ADGRB3: variants seen among roughly 807,000 people sequenced by gnomAD.
ADGRB3 encodes adhesion G protein-coupled receptor B3, also known as brain-specific angiogenesis inhibitor 3.
In ADGRB3, 37 loss-of-function variants were observed where a neutral mutation model predicts 193.4. The observed-to-expected ratio is 0.19, with a 90% CI of 0.15 to 0.25. The LOEUF (loss-of-function observed/expected upper bound fraction) is 0.25. ADGRB3 is among the 10% of genes least tolerant of loss of function. ADGRB3 has a pLI of 1.00. For missense variants in ADGRB3, 1,637 were observed against 1,852.9 expected, an observed-to-expected ratio of 0.88 and a Z score of 2.14; for synonymous variants, 690 against 644.2, an observed-to-expected ratio of 1.07 and a Z score of -1.08.
intron 3 of ADGRB3, among the ~76,000 whole-genome samples, chr6:68,928,665 T>TAC (rs1185365657): frequency 6.6e-6 from 1 of 152,226 alleles, no homozygotes; most frequent in Non-Finnish European, 1.5e-5. Flanking sequence ...GAACAGGTTA[T>TAC]ACAGTTATTT....
intron 11 of ADGRB3, among the ~76,000 whole-genome samples, chr6:69,003,098 T>A (rs1305098587): frequency 2.6e-5 from 4 of 152,190 alleles, no homozygotes; most frequent in Admixed American, 1.3e-4. Context: ...ATAGGATTCA[T>A]GTGAGGGTTA....
chr6:69,070,491 A>G (rs1279025834), intron 16 of ADGRB3, among the ~76,000 whole-genome samples: 1 of 152,182 alleles, frequency 6.6e-6, no homozygotes, highest in Admixed American at 6.5e-5. Flanking sequence ...TTAATGATCT[A>G]TTGCACAGAA....
chr6:69,291,630 A>G (rs1475286832), intron 20 of ADGRB3, among the ~76,000 whole-genome samples: 1 of 152,142 alleles, frequency 6.6e-6, no homozygotes, highest in Non-Finnish European at 1.5e-5. Flanking sequence ...CCTTAACCTG[A>G]AGCCCAGTTT....
chr6:68,924,174 CAGAA>C (rs1478245523), intron 3 of ADGRB3, among the ~76,000 whole-genome samples: 8 of 151,998 alleles, frequency 5.3e-5, no homozygotes, highest in African/African-American at 1.9e-4. Flanking sequence ...GTAGTTGTCT[CAGAA>C]AGAGATATTA....
At chr6:69,110,901 A>T (rs1206803463) in intron 17 of ADGRB3, among the ~76,000 whole-genome samples, 1 of 152,240 alleles carries the variant, frequency 6.6e-6, no homozygotes, top group Non-Finnish European at 1.5e-5. Context: ...CCATTTGTGG[A>T]AATATTCAAT....
chr6:69,126,695 C>T (rs1285936135), intron 17 of ADGRB3, among the ~76,000 whole-genome samples: 1 of 151,212 alleles, frequency 6.6e-6, no homozygotes, highest in Non-Finnish European at 1.5e-5. Flanking sequence ...CCAGAAATAC[C>T]CTCACAGACA....
At chr6:68,646,514 A>G (rs940076437) in intron 3 of ADGRB3, among the ~76,000 whole-genome samples, 2 of 151,514 alleles carry the variant, frequency 1.3e-5, no homozygotes, top group African/African-American at 4.8e-5. Context: ...AAAAAGATGG[A>G]CTTCCAAGTG....
intron 17 of ADGRB3, among the ~76,000 whole-genome samples, chr6:69,198,024 A>C (rs1765337436): frequency 6.6e-6 from 1 of 152,040 alleles, no homozygotes; most frequent in South Asian, 2.1e-4. Context: ...TTATATGAAT[A>C]ATTTCAAGTT....
chr6:69,080,783 A>T (rs1431849034), intron 17 of ADGRB3, among the ~76,000 whole-genome samples: 1 of 152,074 alleles, frequency 6.6e-6, no homozygotes. Context: ...TTTAACTTCA[A>T]GAAGTTATGT....
At chr6:69,131,215 A>AT (rs750347571) in intron 17 of ADGRB3, among the ~76,000 whole-genome samples, 1 of 152,172 alleles carries the variant, frequency 6.6e-6, no homozygotes, top group Non-Finnish European at 1.5e-5. Flanking sequence ...AAAGCAAGTC[A>AT]TGAAAGCTAA....
chr6:69,321,968 C>T (rs1374262332), intron 20 of ADGRB3, among the ~76,000 whole-genome samples: 3 of 151,764 alleles, frequency 2.0e-5, no homozygotes, highest in Non-Finnish European at 4.4e-5. Flanking sequence ...GGTATTAAGC[C>T]TAGTACCAAT....
intron 20 of ADGRB3, among the ~76,000 whole-genome samples, chr6:69,304,279 G>A (rs139710991): frequency 5.2e-4 from 78 of 149,248 alleles, no homozygotes; most frequent in African/African-American, 1.5e-3. Flanking sequence ...GGAAAACTCC[G>A]TTTGTTTCCT....
chr6:68,746,204 A>T (rs1033147350), intron 3 of ADGRB3, among the ~76,000 whole-genome samples: 2 of 151,984 alleles, frequency 1.3e-5, no homozygotes, highest in Non-Finnish European at 2.9e-5. Context: ...TAAAAATTTT[A>T]AAATGTTTAC....
chr6:69,176,921 G>T (rs185516656), intron 17 of ADGRB3, among the ~76,000 whole-genome samples: 88 of 152,220 alleles, frequency 5.8e-4, no homozygotes, highest in African/African-American at 2.0e-3. Flanking sequence ...CTGCATATAG[G>T]TATTCATAAT....
chr6:68,967,911 A>T (rs1256559502), intron 8 of ADGRB3, among the ~76,000 whole-genome samples: 4 of 151,940 alleles, frequency 2.6e-5, no homozygotes, highest in African/African-American at 9.7e-5. Flanking sequence ...GAAGCGGGGG[A>T]TAGTCAAAGC....
At chr6:68,966,600 C>G (rs1017217990) in intron 8 of ADGRB3, among the ~76,000 whole-genome samples, 2 of 152,104 alleles carry the variant, frequency 1.3e-5, no homozygotes, top group African/African-American at 4.8e-5. Flanking sequence ...ACACCTCAAC[C>G]TGGACATCCC....
intron 17 of ADGRB3, among the ~76,000 whole-genome samples, chr6:69,096,609 C>T (rs1772885527): frequency 6.6e-6 from 1 of 152,142 alleles, no homozygotes; most frequent in Non-Finnish European, 1.5e-5. Flanking sequence ...CCCCAAGTCA[C>T]TATAATCTTG....
intron 3 of ADGRB3, among the ~76,000 whole-genome samples, chr6:68,895,617 G>A (rs1562075630): frequency 1.3e-5 from 2 of 151,974 alleles, no homozygotes; most frequent in Admixed American, 6.6e-5. Context: ...CTTGATATTA[G>A]TGAGGGATTA....
At chr6:68,748,913 C>T (rs1766137442) in intron 3 of ADGRB3, among the ~76,000 whole-genome samples, 1 of 152,224 alleles carries the variant, frequency 6.6e-6, no homozygotes, top group South Asian at 2.1e-4. Context: ...ATCTGTGCAT[C>T]CACAGGCCCA....
Sources: gnomAD v4.1 joint callset for allele counts (sites outside exome capture counted in the v4.1 genomes callset) on GRCh38, gnomAD v4.1.1 for gene constraint, MANE v1.5 for transcripts, NCBI Gene and HGNC (gene_info 2026-07-23, HGNC 2026-07-21) for gene names.